The following POU2AF3 variants were observed in gnomAD, a reference collection of about 807,000 sequenced individuals.
POU2AF3 encodes the protein cancer susceptibility candidate 13.
the POU2AF3 span, chr11:111,306,351 G>T: frequency 2.6e-6 from 3 of 1,175,602 alleles, no homozygotes; most frequent in Admixed American, 3.2e-5. Context: ...TCTGTGTTTT[G>T]CAATTTTTAT....
the POU2AF3 span, among the ~76,000 whole-genome samples, chr11:111,307,181 G>GA: frequency 2.0e-5 from 3 of 151,678 alleles, no homozygotes; most frequent in African/African-American, 7.3e-5. Flanking sequence ...CGTAATCTTT[G>GA]AAAAAAATTA....
the POU2AF3 span, chr11:111,300,010 C>T: frequency 2.5e-6 from 1 of 397,742 alleles, no homozygotes; most frequent in Non-Finnish European, 4.4e-6. Context: ...GAAGCCACAC[C>T]TGGCCAGGCG....
At chr11:111,298,784 C>A in the POU2AF3 span, 1 of 1,178,620 alleles carries the variant, frequency 8.5e-7, no homozygotes, top group Non-Finnish European at 1.1e-6. Context: ...GGGCAGAGGC[C>A]CAGAGGCCGA....
At chr11:111,305,414 A>G in the POU2AF3 span, among the ~76,000 whole-genome samples, 1 of 152,216 alleles carries the variant, frequency 6.6e-6, no homozygotes, top group Non-Finnish European at 1.5e-5. Context: ...CTCTGTTCCC[A>G]GAAAGCAGTT....
chr11:111,306,526 A>C, the POU2AF3 span: 1 of 1,550,362 alleles, frequency 6.5e-7, no homozygotes, highest in Non-Finnish European at 8.7e-7. Flanking sequence ...CTTCAGACAG[A>C]GATGCACCCG....
At chr11:111,303,057 T>A in the POU2AF3 span, among the ~76,000 whole-genome samples, 29 of 152,312 alleles carry the variant, frequency 1.9e-4, no homozygotes, top group African/African-American at 6.0e-4. Context: ...ATAAAGTCAG[T>A]GTAGTATCCA....
At chr11:111,307,171 C>T in the POU2AF3 span, among the ~76,000 whole-genome samples, 1 of 149,288 alleles carries the variant, frequency 6.7e-6, no homozygotes, top group Non-Finnish European at 1.5e-5. Flanking sequence ...AAAATGAAGC[C>T]GTAATCTTTG....
At chr11:111,300,617 G>A in the POU2AF3 span, 874 of 1,230,130 alleles carry the variant, frequency 7.1e-4, 3 homozygotes, top group African/African-American at 0.012. Context: ...GCCTCCGGGG[G>A]AACCGTAAGC....
chr11:111,304,297 C>T, the POU2AF3 span, among the ~76,000 whole-genome samples: 3 of 145,714 alleles, frequency 2.1e-5, no homozygotes, highest in East Asian at 1.9e-4. Flanking sequence ...ATTGACTAAG[C>T]CATAGATAGT....
chr11:111,308,298 G>C, the POU2AF3 span: 2 of 1,551,756 alleles, frequency 1.3e-6, no homozygotes, highest in Non-Finnish European at 1.7e-6. Flanking sequence ...TGCGCATCGT[G>C]TGAGGCAGAG....
chr11:111,299,601 C>A, the POU2AF3 span: 5 of 1,222,482 alleles, frequency 4.1e-6, no homozygotes, highest in Non-Finnish European at 5.1e-6. Context: ...TACCGAAGGG[C>A]GGCCTCCCGG....
At chr11:111,307,417 G>A in the POU2AF3 span, among the ~76,000 whole-genome samples, 1 of 152,144 alleles carries the variant, frequency 6.6e-6, no homozygotes, top group South Asian at 2.1e-4. Flanking sequence ...TTTTAGAGCG[G>A]ATGGGAAATT....
chr11:111,306,380 C>T, the POU2AF3 span: 1 of 1,393,842 alleles, frequency 7.2e-7, no homozygotes, highest in Non-Finnish European at 9.3e-7. Context: ...CTGCCTTTTT[C>T]CTTTCTCCTC....
chr11:111,308,177 T>C, the POU2AF3 span: 1 of 1,551,870 alleles, frequency 6.4e-7, no homozygotes, highest in Non-Finnish European at 8.7e-7. Context: ...TTCCCCTGCT[T>C]CTCTGGACAC....
chr11:111,306,586 G>A, the POU2AF3 span: 1 of 1,551,688 alleles, frequency 6.4e-7, no homozygotes, highest in Non-Finnish European at 8.7e-7. Context: ...TTCCCAGACA[G>A]CTTCCAGGCC....
chr11:111,299,492 G>T, the POU2AF3 span: 4 of 1,124,154 alleles, frequency 3.6e-6, no homozygotes, highest in Non-Finnish European at 4.3e-6. Context: ...TGCTCCCAGC[G>T]CTCAGGGGTC....
chr11:111,301,886 T>C, the POU2AF3 span, among the ~76,000 whole-genome samples: 1 of 152,196 alleles, frequency 6.6e-6, no homozygotes, highest in Non-Finnish European at 1.5e-5. Flanking sequence ...TATTTGGTAA[T>C]GTTTGTTCAC....
chr11:111,301,389 G>T, the POU2AF3 span, among the ~76,000 whole-genome samples: 1 of 152,188 alleles, frequency 6.6e-6, no homozygotes, highest in Admixed American at 6.5e-5. Flanking sequence ...AATTGCTTGG[G>T]GGTTGGTTTG....
At chr11:111,302,788 C>T in the POU2AF3 span, among the ~76,000 whole-genome samples, 1 of 152,164 alleles carries the variant, frequency 6.6e-6, no homozygotes, top group South Asian at 2.1e-4. Flanking sequence ...ATTACAAAAG[C>T]CAGACGTAAA....
Sources: allele counts gnomAD v4.1 joint callset (sites outside exome capture counted in the v4.1 genomes callset), GRCh38; gene constraint gnomAD v4.1.1; transcripts MANE v1.5; gene names NCBI Gene and HGNC (gene_info 2026-07-23, HGNC 2026-07-21).